The following TIAM2 variants were observed in gnomAD, a reference collection of about 807,000 sequenced individuals.
The protein encoded by TIAM2 is rho guanine nucleotide exchange factor TIAM2.
In TIAM2, 80 loss-of-function variants were observed where a neutral mutation model predicts 152.9. The observed-to-expected ratio is 0.52, with a 90% CI of 0.44 to 0.63. The LOEUF (loss-of-function observed/expected upper bound fraction) is 0.63. Among genes scored for constraint, TIAM2 ranks in the 30% least tolerant of loss-of-function variants. The pLI is 0.00. For synonymous variants in TIAM2, 804 were observed against 838.0 expected (o/e 0.96, Z 0.70); for missense variants, 1,965 against 2,120.1 (o/e 0.93, Z 1.44).
In TIAM2 at chr6:155,029,513, C is replaced by CTATAGTATATATACTATATAG. The variant is rs1202455648; in HGVS notation, c.-209+34025_-209+34026insGTATATATACTATATAGTATA. Among the ~76,000 whole-genome samples the CTATAGTATATATACTATATAG allele has an allele frequency of 7.2e-3, 159 of 22,072 alleles. 14 individuals carry two copies. Among genetic ancestry groups the CTATAGTATATATACTATATAG allele is most frequent in the African/African-American group, 0.024 (153 of 6,326 alleles). 14.5% of individuals were successfully genotyped at this position (22,072 alleles called of 152,430 possible). Reference sequence around the variant, plus strand: ...TAGTATATATTATATATAATATATACTATATATTATAGTATAGATAATAAT... The same window carrying CTATAGTATATATACTATATAG: ...TAGTATATATTATATATAATATATACTATAGTATATATACTATATAGTATATATTATAGTATAGATAATAAT... On this transcript the variant is annotated intron_variant, in intron 1 of 26. Transcript: ENST00000682666.
chr6:155,063,706 C>T (rs1272221172), intron 1 of TIAM2, among the ~76,000 whole-genome samples: 1 of 143,624 alleles, frequency 7.0e-6, no homozygotes, highest in East Asian at 2.1e-4. Context: ...CTCTTGAACC[C>T]AGGAGGTGGA....
intron 15 of TIAM2, among the ~76,000 whole-genome samples, chr6:155,223,627 A>G (rs920149931): frequency 3.3e-5 from 5 of 151,800 alleles, no homozygotes; most frequent in Admixed American, 6.6e-5. Context: ...GCATTTTGAA[A>G]GTTTTATTTT....
intron 1 of TIAM2, among the ~76,000 whole-genome samples, chr6:155,057,017 CTTTTTTTT>C (rs71023612): frequency 6.6e-4 from 29 of 43,868 alleles, no homozygotes; most frequent in Admixed American, 1.2e-3. Context: ...AGTTTTCTTT[CTTTTTTTT>C]TTTTTTTTTT....
Position 155,205,076 on chromosome 6 carries a change from C to T in TIAM2, c.3065-6128C>T, listed in dbSNP as rs1051617595. On this transcript the variant is annotated intron_variant, in intron 14 of 26. Coordinates refer to ENST00000682666, the MANE Select transcript of TIAM2 (RefSeq NM_012454.4). ...GGTAGAGCCCTCATGACCTAAACAC[C>T]TCCCAGTAAGTCTACCTCCCAACAC... Among the ~76,000 whole-genome samples the T allele has an allele frequency of 3.3e-5, 5 of 151,084 alleles. No individual in the cohort carries two copies. In the Admixed American group the frequency reaches 3.3e-4, roughly 10 times the overall value.
chr6:155,074,898 G>C (rs1316328676), intron 1 of TIAM2, among the ~76,000 whole-genome samples: 2 of 148,936 alleles, frequency 1.3e-5, no homozygotes, highest in Non-Finnish European at 3.0e-5. Context: ...ATTGTCAGTA[G>C]AGGTGGAGAT....
intron 15 of TIAM2, chr6:155,216,826 C>A: frequency 2.0e-6 from 2 of 1,012,956 alleles, no homozygotes; most frequent in Non-Finnish European, 1.2e-6. Context: ...CTTTCTAGAG[C>A]AGGCAGGCTC....
At chr6:155,094,609 G>A (rs1778374415) in intron 2 of TIAM2, among the ~76,000 whole-genome samples, 1 of 145,414 alleles carries the variant, frequency 6.9e-6, no homozygotes, top group Non-Finnish European at 1.5e-5. Flanking sequence ...GGGTGCAGTG[G>A]CGCTATCTCA....
intron 14 of TIAM2, among the ~76,000 whole-genome samples, chr6:155,189,962 C>G (rs1781157042): frequency 6.6e-6 from 1 of 152,042 alleles, no homozygotes; most frequent in African/African-American, 2.4e-5. Flanking sequence ...TCACATAGAG[C>G]AAGCAAGCTG....
In TIAM2 at chr6:155,240,519, T is replaced by C. The variant is rs777174609; in HGVS notation, c.3169-11T>C. On this transcript the variant is annotated splice_polypyrimidine_tract_variant and intron_variant, in intron 15 of 26. Coordinates refer to ENST00000682666, the MANE Select transcript of TIAM2 (RefSeq NM_012454.4). ...CCCGTGCATTATTTTCCACCTCTTG[T>C]CCTCTCTCAGAGTGCTGAGCAGATC... 5.6e-6 allele frequency: 9 copies of C among 1,595,812 alleles called. No homozygotes were observed. The highest frequency in any genetic ancestry group is 7.7e-6 in the Non-Finnish European group (9 of 1,166,450).
rs753763295 is a variant in TIAM2 at position 155,257,095 on chromosome 6, G to GAAAC, written c.5082_5085dup (p.Glu1696AsnfsTer10). On this transcript the variant is annotated frameshift_variant, in exon 27 of 27. Coordinates refer to ENST00000682666, the MANE Select transcript of TIAM2 (RefSeq NM_012454.4). LOFTEE classifies it high-confidence loss of function. ...TGTTGTCAGTGAGGAGTGTTTTTAT[G>GAAAC]AAACAGAGAGCCACGGAAAATCATA... is the stretch of plus-strand genomic sequence containing the variant. 7 of 1,595,216 alleles carry GAAAC rather than the reference G, an allele frequency of 4.4e-6. No homozygotes were observed. The highest frequency in any genetic ancestry group is 3.4e-5 in the Admixed American group (2 of 58,884).
intron 1 of TIAM2, among the ~76,000 whole-genome samples, chr6:154,996,479 C>T (rs1340356448): frequency 2.0e-5 from 3 of 152,176 alleles, no homozygotes; most frequent in Non-Finnish European, 2.9e-5. Context: ...CTGGGATTCT[C>T]TTCTCATGGT....
chr6:155,064,446 CT>C (rs1777646607), intron 1 of TIAM2, among the ~76,000 whole-genome samples: 1 of 152,192 alleles, frequency 6.6e-6, no homozygotes, highest in South Asian at 2.1e-4. Context: ...TTGCCTATGC[CT>C]TAATTGTGAA....
At chr6:155,245,227 G>A (rs1783250292) in intron 18 of TIAM2, among the ~76,000 whole-genome samples, 2 of 152,342 alleles carry the variant, frequency 1.3e-5, no homozygotes, top group South Asian at 2.1e-4. Flanking sequence ...CGTGTAAGCC[G>A]CAGTGTGGCA....
At chr6:155,148,383 T>C in intron 7 of TIAM2, 49 bp downstream of exon 7, 1 of 1,522,244 alleles carries the variant, frequency 6.6e-7, no homozygotes, top group Non-Finnish European at 9.0e-7. Flanking sequence ...ATGTCACTTG[T>C]GCAGTGACTG....
In TIAM2 at chr6:155,174,180, C is replaced by T. The variant is rs549073924; in HGVS notation, c.2362-2636C>T. 8.5e-5 allele frequency among the ~76,000 whole-genome samples: 13 copies of T among 152,188 alleles called. No individual in the cohort carries two copies. The highest frequency in any genetic ancestry group is 1.8e-4 in the Non-Finnish European group (12 of 68,032). ...TGAACCAGCTCATCCCAGACTTCCA[C>T]CCTTCAGATCCCCGGAGTACCATAG... is the stretch of plus-strand genomic sequence containing the variant. On this transcript the variant is annotated intron_variant, in intron 9 of 26. Coordinates refer to ENST00000682666, the MANE Select transcript of TIAM2 (RefSeq NM_012454.4). The surrounding 1 kb of genome is among the most constrained non-coding windows in gnomAD (Gnocchi z 4.2).
intron 15 of TIAM2, among the ~76,000 whole-genome samples, chr6:155,234,019 T>C (rs1418200804): frequency 6.7e-6 from 1 of 149,910 alleles, no homozygotes; most frequent in Non-Finnish European, 1.5e-5. Flanking sequence ...GGGGTTGGGG[T>C]TCAATATCAT....
intron 14 of TIAM2, among the ~76,000 whole-genome samples, 174 bp from the exon 15 acceptor site, chr6:155,211,030 G>A (rs1781705521): frequency 6.6e-6 from 1 of 152,188 alleles, no homozygotes; most frequent in African/African-American, 2.4e-5. Flanking sequence ...CCCTAGATCT[G>A]TTTCAGAAGC....
intron 14 of TIAM2, among the ~76,000 whole-genome samples, chr6:155,185,989 A>G (rs960402890): frequency 6.6e-6 from 1 of 152,212 alleles, no homozygotes; most frequent in Non-Finnish European, 1.5e-5. Flanking sequence ...GTTGCTTGTG[A>G]AGGAAGTTAC....
chr6:155,105,584 C>T (rs1205660031), intron 2 of TIAM2, among the ~76,000 whole-genome samples: 2 of 151,976 alleles, frequency 1.3e-5, no homozygotes, highest in Non-Finnish European at 2.9e-5. Context: ...GTGTGCACTC[C>T]CAGGCTTGGC....
Sources: gnomAD v4.1 joint callset for allele counts (sites outside exome capture counted in the v4.1 genomes callset) on GRCh38, gnomAD v4.1.1 for gene constraint, Gnocchi (gnomAD v3.1) non-coding constraint, MANE v1.5 for transcripts, NCBI Gene and HGNC (gene_info 2026-07-23, HGNC 2026-07-21) for gene names.